Variants in URI1 observed in about 807,000 individuals in gnomAD.
URI1 encodes the protein unconventional prefoldin RPB5 interactor 1.
In URI1, 39 loss-of-function variants were observed where a neutral mutation model predicts 60.2. The observed-to-expected ratio is 0.65, with a 90% CI of 0.50 to 0.85. URI1 has a LOEUF of 0.85. Ranked by LOEUF, URI1 falls within the 40% of genes least tolerant of loss-of-function variation. The pLI is 0.00. For synonymous variants in URI1, 251 were observed against 236.8 expected (o/e 1.06, Z -0.55); for missense variants, 691 against 665.9 (o/e 1.04, Z -0.42).
chr19:29,986,989 C>G (rs1323698669), intron 4 of URI1, among the ~76,000 whole-genome samples: 1 of 152,066 alleles, frequency 6.6e-6, no homozygotes, highest in Non-Finnish European at 1.5e-5. Flanking sequence ...TAGGGCAGCT[C>G]TTGAGTTTTG....
chr19:29,975,501 T>C (rs995205209), intron 2 of URI1, among the ~76,000 whole-genome samples: 1 of 1,010 alleles, frequency 9.9e-4, no homozygotes, highest in African/African-American at 1.5e-3. Context: ...TTCTGTTTAC[T>C]TTTTTTTTTT....
chr19:30,014,830 G>C, intron 10 of URI1, 57 bp from the exon 11 acceptor site: 1 of 1,508,650 alleles, frequency 6.6e-7, no homozygotes. Context: ...TGAATGGGAA[G>C]ATTTTGTGGG....
At chr19:29,972,924 A>T (rs1197292802) in intron 2 of URI1, among the ~76,000 whole-genome samples, 1 of 152,134 alleles carries the variant, frequency 6.6e-6, no homozygotes, top group African/African-American at 2.4e-5. Context: ...ACATTTAAAA[A>T]ATTATTTTTT....
At chr19:30,011,327 A>G in intron 9 of URI1, 91 bp downstream of exon 9, 1 of 1,464,328 alleles carries the variant, frequency 6.8e-7, no homozygotes, top group Non-Finnish European at 9.1e-7. Context: ...ACTGTAACAC[A>G]GAAGACCCTC....
At chr19:29,990,868 G>A (rs1396883503) in intron 4 of URI1, among the ~76,000 whole-genome samples, 1 of 152,162 alleles carries the variant, frequency 6.6e-6, no homozygotes, top group African/African-American at 2.4e-5. Flanking sequence ...TGTATGTTAT[G>A]TGAATTATAA....
intron 1 of URI1, among the ~76,000 whole-genome samples, chr19:29,934,549 G>C (rs994045436): frequency 1.3e-5 from 2 of 151,548 alleles, no homozygotes; most frequent in Non-Finnish European, 2.9e-5. Flanking sequence ...CTTCTTCTCT[G>C]TTATGACATG....
At position 29,923,736 on chromosome 19, in the gene URI1, G is replaced by A. The variant is rs1359878195; in HGVS notation, c.45G>A (p.Arg15=). Residue 15 remains arginine, a synonymous_variant, in exon 1 of 11, where the codon AGG becomes AGA. Coordinates refer to the URI1 transcript ENST00000360605. ...TTCAAGGAAGCCACGTTTCTAAGAG[G>A]GCTCTGGCATATGCATTGGTGAGTT... 6 of 1,536,616 alleles carry A rather than the reference G, an allele frequency of 3.9e-6. No individual in the cohort carries two copies. The Admixed American group carries it at 5.9e-5, about 15-fold the overall frequency.
Position 30,015,699 on chromosome 19 carries a change from G to T in URI1, c.*630G>T. ...TCCAAGTAAAAACTTTATGAAACTT[G>T]GTCTCAAAAATGTTGTGAACTTTAT... is the stretch of plus-strand genomic sequence containing the variant. On this transcript the variant is annotated 3_prime_UTR_variant, in exon 11 of 11. Coordinates refer to ENST00000392271, the MANE Select transcript of URI1 (RefSeq NM_003796.3). The T allele has an allele frequency of 1.9e-6, 2 of 1,027,232 alleles. No homozygotes were observed. The highest frequency in any genetic ancestry group is 2.8e-6 in the Non-Finnish European group (2 of 717,050). The allele number at this position is 1,027,232 out of a possible 1,614,324, so 63.6% of individuals were successfully genotyped here. A position where few individuals can be genotyped will look rare whatever the true frequency, so the allele number is the denominator to read the frequency against.
intron 1 of URI1, among the ~76,000 whole-genome samples, chr19:29,927,015 C>T (rs1036897023): frequency 2.0e-5 from 3 of 152,158 alleles, no homozygotes; most frequent in Non-Finnish European, 2.9e-5. Flanking sequence ...GGACTCCACT[C>T]TCTGGGCTCG....
At chr19:30,009,604 C>T (rs903446528) in intron 8 of URI1, among the ~76,000 whole-genome samples, 1 of 152,080 alleles carries the variant, frequency 6.6e-6, no homozygotes, top group Non-Finnish European at 1.5e-5. Context: ...ATTTGAGTGG[C>T]AACTACTGTA....
At chr19:29,957,935 A>G (rs1555738698) in intron 1 of URI1, 1 of 116,364 alleles carries the variant, frequency 8.6e-6, no homozygotes, top group African/African-American at 3.3e-5. Context: ...ATTTTTACAT[A>G]TTGACTTTGT....
intron 1 of URI1, among the ~76,000 whole-genome samples, chr19:29,953,415 A>T (rs2055204146): frequency 6.6e-6 from 1 of 152,152 alleles, no homozygotes. Flanking sequence ...TTATATTCAT[A>T]ATCTGATTCA....
At position 29,935,700 on chromosome 19, in the gene URI1, C is replaced by CTTTTTTT. The variant is rs34820413; in HGVS notation, c.63+11954_63+11960dup. ...TGGTAGGAAATTCTTGGTTGACAGT[C>CTTTTTTT]TTTTTTTTTTTTTTCCCCAGGACTT... is the stretch of plus-strand genomic sequence containing the variant. On this transcript the variant is annotated intron_variant, in intron 1 of 10. Transcript: ENST00000360605. 9.6e-4 allele frequency among the ~76,000 whole-genome samples: 127 copies of CTTTTTTT among 131,860 alleles called. 1 individual carries two copies. Among genetic ancestry groups the CTTTTTTT allele is most frequent in the African/African-American group, 1.5e-3 (53 of 34,396 alleles). 86.5% of individuals were successfully genotyped at this position (131,860 alleles called of 152,430 possible).
intron 1 of URI1, among the ~76,000 whole-genome samples, chr19:29,949,237 G>A (rs1411802309): frequency 1.3e-5 from 2 of 150,624 alleles, no homozygotes; most frequent in South Asian, 2.1e-4. Context: ...TTCAGACGGG[G>A]CGGCCGGGCA....
chr19:29,945,766 A>G (rs921549198), intron 1 of URI1, among the ~76,000 whole-genome samples: 2 of 152,212 alleles, frequency 1.3e-5, no homozygotes, highest in Non-Finnish European at 2.9e-5. Context: ...AGTTACGTTT[A>G]TATAAATATT....
At chr19:29,939,348 C>T (rs1182864621), upstream of URI1, among the ~76,000 whole-genome samples, 5 of 150,768 alleles carry the variant, frequency 3.3e-5, no homozygotes, top group Admixed American at 2.0e-4. Context: ...GATCTCTGCT[C>T]ACTGCAACCT....
At chr19:29,963,109 C>T (rs754235588) in intron 1 of URI1, among the ~76,000 whole-genome samples, 24 of 152,118 alleles carry the variant, frequency 1.6e-4, no homozygotes, top group Non-Finnish European at 1.5e-4. Context: ...TTTCTTTGTG[C>T]TTCTCTTGCT....
At chr19:29,983,215 A>G (rs2055620205) in intron 2 of URI1, 1 of 152,244 alleles carries the variant, frequency 6.6e-6, no homozygotes, top group African/African-American at 2.4e-5. Context: ...AATGCAGGTC[A>G]GAAGACCTAG....
chr19:29,955,992 T>A (rs1488471395), intron 1 of URI1, among the ~76,000 whole-genome samples: 1 of 151,956 alleles, frequency 6.6e-6, no homozygotes, highest in East Asian at 1.9e-4. Flanking sequence ...TTTTTTTTTT[T>A]TTATTTTTTG....
Sources: allele counts gnomAD v4.1 joint callset (sites outside exome capture counted in the v4.1 genomes callset), GRCh38; gene constraint gnomAD v4.1.1; transcripts MANE v1.5; gene names NCBI Gene and HGNC (gene_info 2026-07-23, HGNC 2026-07-21).